XRN1: variants seen among roughly 807,000 people sequenced by gnomAD.
XRN1 encodes the protein strand-exchange protein 1 homolog.
A neutral mutation model predicts 222.3 loss-of-function variants in XRN1; 67 were observed. The observed-to-expected ratio is 0.30, with a 90% CI of 0.25 to 0.37. The LOEUF (loss-of-function observed/expected upper bound fraction) is 0.37. XRN1 is among the 10% of genes least tolerant of loss of function. The probability of loss-of-function intolerance (pLI) is 1.00; values close to 1 mark genes in which losing one functional copy is unlikely to be tolerated. For missense variants in XRN1, 1,707 were observed against 2,000.2 expected, an observed-to-expected ratio of 0.85 and a Z score of 2.80; for synonymous variants, 643 against 652.4, an observed-to-expected ratio of 0.99 and a Z score of 0.22.
intron 1 of XRN1, among the ~76,000 whole-genome samples, chr3:142,440,523 C>T (rs1354180545): frequency 2.6e-5 from 4 of 152,070 alleles, no homozygotes; most frequent in African/African-American, 9.7e-5. Context: ...CTACCAAAGG[C>T]AGTACCCCCT....
chr3:142,408,501 T>C (rs2068439084), intron 15 of XRN1, among the ~76,000 whole-genome samples: 1 of 152,248 alleles, frequency 6.6e-6, no homozygotes, highest in Non-Finnish European at 1.5e-5. Context: ...GCAGATTTTC[T>C]ATTTGCGGCA....
At chr3:142,343,441 C>T (rs569773920) in intron 33 of XRN1, among the ~76,000 whole-genome samples, 39 of 149,390 alleles carry the variant, frequency 2.6e-4, no homozygotes, top group Admixed American at 4.7e-4. Context: ...GCAACAAGAG[C>T]GAAATTCCGT....
rs1263132674 is a variant in XRN1 at position 142,363,557 on chromosome 3, GTTTGTAAAGTTTACTCTAGC to G, written c.3394+1470_3394+1489del. On this transcript the variant is annotated intron_variant, in intron 29 of 40. Transcript: ENST00000392981. Reference sequence around the variant, plus strand: ...GTTTTTCAGTGCAAATTTTACTCTAGTTTGTAAAGTTTACTCTAGCTTTGTAAAGTTTACTCTAGCTTTGT... The same window carrying G: ...GTTTTTCAGTGCAAATTTTACTCTAGTTTGTAAAGTTTACTCTAGCTTTGT... Among the ~76,000 whole-genome samples the G allele has an allele frequency of 5.3e-4, 75 of 142,604 alleles. 20 individuals are homozygous for G. The highest frequency in any genetic ancestry group is 1.1e-3 in the African/African-American group (43 of 37,530). 93.6% of individuals were successfully genotyped at this position (142,604 alleles called of 152,430 possible).
intron 36 of XRN1, 26 bp from the exon 37 acceptor site, chr3:142,329,641 T>C (rs752804987): frequency 6.6e-7 from 1 of 1,519,704 alleles, no homozygotes; most frequent in African/African-American, 1.5e-5. Context: ...AAAGAGTCTA[T>C]CTTTATTAAT....
At chr3:142,415,691 A>G (rs2068757542) in intron 13 of XRN1, among the ~76,000 whole-genome samples, 1 of 152,162 alleles carries the variant, frequency 6.6e-6, no homozygotes, top group Non-Finnish European at 1.5e-5. Flanking sequence ...AACTTTTTTC[A>G]AAGGCTTTAT....
chr3:142,435,464 A>C (rs992654486), intron 1 of XRN1: 7 of 149,640 alleles, frequency 4.7e-5, no homozygotes, highest in Admixed American at 4.7e-4. Context: ...AATATAAGAA[A>C]AAGAGCAAAT....
chr3:142,411,087 G>T (rs554048843), intron 15 of XRN1, among the ~76,000 whole-genome samples: 1 of 152,266 alleles, frequency 6.6e-6, no homozygotes, highest in East Asian at 1.9e-4. Flanking sequence ...GATGAAATAT[G>T]TTCACTTCAT....
chr3:142,374,649 G>C lies in XRN1; in HGVS notation c.2978+1149C>G, dbSNP rs186037449. ...CAAAGAAAGCTGAAGCTCAGGATAG[G>C]AAAGCCACTCACAGCAGAAAATCCA... On this transcript the variant is annotated intron_variant, in intron 25 of 40. Transcript: ENST00000392981. Among the ~76,000 whole-genome samples, 601 of 152,202 alleles carry C rather than the reference G, an allele frequency of 3.9e-3. 4 individuals are homozygous for C. Among genetic ancestry groups the C allele is most frequent in the African/African-American group, 0.013 (555 of 41,530 alleles).
chr3:142,317,372 T>C (rs1435573758), intron 39 of XRN1, among the ~76,000 whole-genome samples: 1 of 152,180 alleles, frequency 6.6e-6, no homozygotes, highest in African/African-American at 2.4e-5. Flanking sequence ...TTATCTTCCT[T>C]GGCTTTGCTA....
chr3:142,379,491 T>C (rs1032776023), intron 23 of XRN1, among the ~76,000 whole-genome samples: 1 of 152,192 alleles, frequency 6.6e-6, no homozygotes, highest in African/African-American at 2.4e-5. Flanking sequence ...AAAATGAAGC[T>C]GGTTGATTGC....
At chr3:142,344,981 C>T (rs999388825) in intron 33 of XRN1, among the ~76,000 whole-genome samples, 1 of 152,240 alleles carries the variant, frequency 6.6e-6, no homozygotes, top group Admixed American at 6.5e-5. Flanking sequence ...GCTCAAACTT[C>T]CTGATTTCAA....
At chr3:142,315,521 T>C (rs1396727734) in intron 39 of XRN1, among the ~76,000 whole-genome samples, 2 of 151,750 alleles carry the variant, frequency 1.3e-5, no homozygotes, top group East Asian at 3.9e-4. Flanking sequence ...TCTTTTTTTT[T>C]TTTTTGAGAC....
At chr3:142,388,037 C>T (rs1559840053) in intron 20 of XRN1, among the ~76,000 whole-genome samples, 2 of 152,138 alleles carry the variant, frequency 1.3e-5, no homozygotes, top group African/African-American at 4.8e-5. Context: ...GCCAAACATA[C>T]CTCTTTTCTT....
chr3:142,431,957 TATATA>T (rs1225164530), intron 2 of XRN1, among the ~76,000 whole-genome samples: 13 of 98,546 alleles, frequency 1.3e-4, no homozygotes, highest in African/African-American at 3.8e-4. Flanking sequence ...TAATATATTA[TATATA>T]ATATAATATA....
At chr3:142,434,972 C>T (rs1384460457) in intron 1 of XRN1, 2 of 151,786 alleles carry the variant, frequency 1.3e-5, no homozygotes, top group Non-Finnish European at 2.9e-5. Flanking sequence ...TAGGAAAAGC[C>T]AGAAATCATA....
chr3:142,428,373 C>A (rs569635619), intron 2 of XRN1, among the ~76,000 whole-genome samples: 2 of 122,546 alleles, frequency 1.6e-5, no homozygotes, highest in South Asian at 2.5e-4. Context: ...CCAGCTTGGG[C>A]GAGACAGAGC....
In XRN1 at chr3:142,329,481, G is replaced by A; in HGVS notation, c.4357C>T (p.Leu1453Phe). ...AAATCAGGTTGTGGCATTCCAACAA[G>A]GGAACAAATTCGAGAAAGTTCAGTT... ...PVTELSRICS[L>F]VGMPQPDFSF... is the part of the protein sequence containing the mutation. The change falls in exon 37 of 41, where the codon CTT becomes TTT. Residue 1453 changes from leucine (L) to phenylalanine (F), a missense_variant. Physicochemically the swap from Leu to Phe is conservative, Grantham distance 22. This residue lies in a region of XRN1 where 473 missense variants were observed against 482.0 expected (regional missense o/e 0.98). Transcript: ENST00000392981. 1 of 1,595,746 alleles carries A rather than the reference G, an allele frequency of 6.3e-7. No individual in the cohort carries two copies. Among genetic ancestry groups the A allele is most frequent in the Non-Finnish European group, 8.5e-7 (1 of 1,173,196 alleles).
At chr3:142,421,262 G>T (rs991356006) in intron 9 of XRN1, 109 bp from the exon 10 acceptor site, 15 of 1,132,704 alleles carry the variant, frequency 1.3e-5, no homozygotes, top group Non-Finnish European at 1.7e-5. Flanking sequence ...ATTGGAGAAT[G>T]TTACTCTTTT....
At chr3:142,428,644 T>G (rs1475813129) in intron 2 of XRN1, among the ~76,000 whole-genome samples, 1 of 152,120 alleles carries the variant, frequency 6.6e-6, no homozygotes, top group Non-Finnish European at 1.5e-5. Context: ...ATGTGAGGAA[T>G]GAGGAAGAGC....
Sources: gnomAD v4.1 joint callset for allele counts (sites outside exome capture counted in the v4.1 genomes callset) on GRCh38, gnomAD v4.1.1 for gene constraint, gnomAD v4.1.1 regional missense constraint, MANE v1.5 for transcripts, NCBI Gene and HGNC (gene_info 2026-07-23, HGNC 2026-07-21) for gene names.